The following B4GALNT4 variants were observed in gnomAD, a reference collection of about 807,000 sequenced individuals.
B4GALNT4 encodes the protein beta-1,4-N-acetyl-galactosaminyltransferase 4.
In B4GALNT4, 77 loss-of-function variants were observed where a neutral mutation model predicts 110.0. That is an observed-to-expected ratio of 0.70 (90% confidence interval 0.58 to 0.85). The LOEUF is 0.85. Among genes scored for constraint, B4GALNT4 ranks in the 40% least tolerant of loss-of-function variants. The pLI, the probability that B4GALNT4 is intolerant of heterozygous loss-of-function variation, is 0.00. For missense variants in B4GALNT4, 1,575 were observed against 1,506.0 expected, an observed-to-expected ratio of 1.05 and a Z score of -0.76; for synonymous variants, 785 against 655.5, an observed-to-expected ratio of 1.20 and a Z score of -3.02.
In B4GALNT4 at chr11:376,581, G is replaced by T. The variant is rs1270768112; in HGVS notation, c.1458G>T (p.Gly486=). The T allele has an allele frequency of 2.2e-6, 3 of 1,354,388 alleles. No individual in the cohort carries two copies. Among genetic ancestry groups the T allele is most frequent in the Non-Finnish European group, 1.9e-6 (2 of 1,062,002 alleles). The allele number at this position is 1,354,388 out of a possible 1,614,324, so 83.9% of individuals were successfully genotyped here. A position where few individuals can be genotyped will look rare whatever the true frequency, so the allele number is the denominator to read the frequency against. Residue 486 remains glycine, a synonymous_variant, in exon 14 of 20, where the codon GGG becomes GGT. Transcript: ENST00000329962. ...PPTPPRPRDG[G]TPRHSRALSW... ...CCCCTCCCCGCCCCCGGGACGGGGGGACCCCCAGGCACTCCCGGGCCCTGA... is the reference window on the plus strand; with the variant it reads ...CCCCTCCCCGCCCCCGGGACGGGGGTACCCCCAGGCACTCCCGGGCCCTGA...
chr11:381,174 G>A, intron 19 of B4GALNT4: 1 of 981,748 alleles, frequency 1.0e-6, no homozygotes, highest in Non-Finnish European at 1.2e-6. Context: ...GGACATCCCT[G>A]AACCAGCTCT....
At chr11:372,580 T>A (rs1846635917) in intron 2 of B4GALNT4, 82 bp from the exon 3 acceptor site, 1 of 1,188,096 alleles carries the variant, frequency 8.4e-7, no homozygotes, top group Non-Finnish European at 1.2e-6. Context: ...TTGGAAGGGG[T>A]CTTTGTGAAG....
At chr11:371,689 C>T (rs925339994) in intron 1 of B4GALNT4, among the ~76,000 whole-genome samples, 2 of 152,214 alleles carry the variant, frequency 1.3e-5, no homozygotes, top group African/African-American at 2.4e-5. Flanking sequence ...GGGAGGCAGA[C>T]GTGGAACACT....
chr11:380,318 C>T lies in B4GALNT4; in HGVS notation c.2742C>T (p.Cys914=), dbSNP rs1329747435. Residue 914 remains cysteine, a synonymous_variant, in exon 18 of 20, where the codon TGC becomes TGT. Transcript: ENST00000329962. ...ACGCCAGCAGCATCGTGTTCCTCTGCGACCTGCACATCCACTTCCCACCCA... is the reference window on the plus strand; with the variant it reads ...ACGCCAGCAGCATCGTGTTCCTCTGTGACCTGCACATCCACTTCCCACCCA... ...VEDASSIVFL[C]DLHIHFPPNI... The T allele has an allele frequency of 3.1e-6, 5 of 1,613,272 alleles. No homozygotes were observed. Among genetic ancestry groups the T allele is most frequent in the Admixed American group, 1.7e-5 (1 of 60,002 alleles).
chr11:381,165 G>A (rs1686355897), intron 19 of B4GALNT4: 1 of 983,868 alleles, frequency 1.0e-6, no homozygotes. Context: ...CAAGGTCAGG[G>A]ACATCCCTGA....
chr11:378,172 A>G (rs1846799578), intron 14 of B4GALNT4, among the ~76,000 whole-genome samples: 1 of 152,054 alleles, frequency 6.6e-6, no homozygotes, highest in Non-Finnish European at 1.5e-5. Context: ...GCAGGGGCAG[A>G]GGATGGAGGC....
At chr11:380,614 A>T in intron 18 of B4GALNT4, 169 bp downstream of exon 18, 1 of 1,271,316 alleles carries the variant, frequency 7.9e-7, no homozygotes, top group Non-Finnish European at 1.1e-6. Context: ...ACCCAGGGCC[A>T]TGCCAGGGGC....
intron 18 of B4GALNT4, 49 bp from the exon 19 acceptor site, chr11:380,776 C>T (rs766533879): frequency 1.2e-5 from 20 of 1,613,026 alleles, no homozygotes; most frequent in Admixed American, 5.0e-5. Flanking sequence ...CCGGGGGGAC[C>T]TTGCAGGACC....
At position 379,936 on chromosome 11, in the gene B4GALNT4, C is replaced by T; in HGVS notation, c.2559C>T (p.Asp853=). 6.2e-7 allele frequency: 1 copy of T among 1,611,738 alleles called. No homozygotes were observed. The highest frequency in any genetic ancestry group is 8.5e-7 in the Non-Finnish European group (1 of 1,179,804). ...CTGCGCTGCACGCGCGCACCGGGGA[C>T]TCGCGTTTCAGCGTCGTCCTGGTGG... ...DMAALHARTG[D]SRFSVVLVDF... Residue 853 remains aspartate, a synonymous_variant, in exon 16 of 20, where the codon GAC becomes GAT. Transcript: ENST00000329962.
chr11:380,216 A>G lies in B4GALNT4; in HGVS notation c.2715+14A>G, dbSNP rs745852263. On this transcript the variant is annotated intron_variant, in intron 17 of 19. Coordinates refer to ENST00000329962, the MANE Select transcript of B4GALNT4 (RefSeq NM_178537.5). ...GACGCGGTAGAGGTCCGAGGGCCCC[A>G]TGGGGGTCGGGGAGCAAAACGGGGC... 1.2e-6 allele frequency: 2 copies of G among 1,604,652 alleles called. No homozygotes were observed. The highest frequency in any genetic ancestry group is 1.3e-5 in the African/African-American group (1 of 74,730).
At position 370,691 on chromosome 11, in the gene B4GALNT4, AG is replaced by A. The variant is rs148427165; in HGVS notation, c.151+739del. On this transcript the variant is annotated intron_variant, in intron 1 of 19. Transcript: ENST00000329962. Reference sequence around the variant, plus strand: ...AGCCTGGCGGTGGGGTTGGGGGAGAAGGTGGGGCAGAATGCCCCCTCTGGAG... The same window carrying A: ...AGCCTGGCGGTGGGGTTGGGGGAGAAGTGGGGCAGAATGCCCCCTCTGGAG... 2.1e-3 allele frequency among the ~76,000 whole-genome samples: 325 copies of A among 152,254 alleles called. 1 individual carries two copies. Among genetic ancestry groups the A allele is most frequent in the African/African-American group, 7.6e-3 (314 of 41,540 alleles).
chr11:370,133 G>A (rs1590332574), intron 1 of B4GALNT4, among the ~76,000 whole-genome samples, 179 bp downstream of exon 1: 1 of 150,532 alleles, frequency 6.6e-6, no homozygotes. Context: ...CCCGCCCGCT[G>A]TTCTCCGCTC....
Position 376,621 on chromosome 11 carries a change from G to A in B4GALNT4, c.1498G>A (p.Ala500Thr). Residue 500 changes from alanine (A) to threonine (T), a missense_variant, in exon 14 of 20, where the codon GCC becomes ACC. Ala to Thr is a moderately conservative substitution (Grantham distance 58). Transcript: ENST00000329962. Reference protein sequence around the residue: ...HSRALSWAARAARPLPLFLGR... With the variant: ...HSRALSWAARTARPLPLFLGR... Reference sequence around the variant, plus strand: ...CCGGGCCCTGAGCTGGGCCGCCAGGGCCGCCCGCCCTTTGCCGCTCTTCTT... The same window carrying A: ...CCGGGCCCTGAGCTGGGCCGCCAGGACCGCCCGCCCTTTGCCGCTCTTCTT... 7.1e-7 allele frequency: 1 copy of A among 1,402,534 alleles called. No homozygotes were observed. Among genetic ancestry groups the A allele is most frequent in the Non-Finnish European group, 9.3e-7 (1 of 1,079,944 alleles). The allele number at this position is 1,402,534 out of a possible 1,614,324, so 86.9% of individuals were successfully genotyped here.
At position 380,748 on chromosome 11, in the gene B4GALNT4, TCTC is replaced by T. The variant is rs1671396957; in HGVS notation, c.2870-74_2870-72del. The T allele has an allele frequency of 5.7e-5, 92 of 1,604,788 alleles. 1 individual carries two copies. The South Asian group carries it at 9.2e-4, about 16-fold the overall frequency. Reference sequence around the variant, plus strand: ...ACCCGGCACCTGACCCCTCCCGAGGTCTCCTAGCGGCGCTTTGCCGGGGGGACC... The same window carrying T: ...ACCCGGCACCTGACCCCTCCCGAGGTCTAGCGGCGCTTTGCCGGGGGGACC... On this transcript the variant is annotated intron_variant, in intron 18 of 19. Coordinates refer to ENST00000329962, the MANE Select transcript of B4GALNT4 (RefSeq NM_178537.5).
At position 379,654 on chromosome 11, in the gene B4GALNT4, TGCGCCTG is replaced by T; in HGVS notation, c.2444_2450del (p.Arg815ProfsTer6). 1 of 1,505,836 alleles carries T rather than the reference TGCGCCTG, an allele frequency of 6.6e-7. No individual in the cohort carries two copies. The allele number at this position is 1,505,836 out of a possible 1,614,324, so 93.3% of individuals were successfully genotyped here. A position where few individuals can be genotyped will look rare whatever the true frequency, so the allele number is the denominator to read the frequency against. ...GGCCGCCCCGAGCTCTGCCGGCCACTGCGCCTGGCCTGGCGCCAGGACGTGATGGTTC... is the reference window on the plus strand; with the variant it reads ...GGCCGCCCCGAGCTCTGCCGGCCACTGCCTGGCGCCAGGACGTGATGGTTC... On this transcript the variant is annotated frameshift_variant, in exon 15 of 20. Transcript: ENST00000329962. LOFTEE classifies it high-confidence loss of function.
Position 372,707 on chromosome 11 carries a change from A to G in B4GALNT4, c.301A>G (p.Arg101Gly), listed in dbSNP as rs758864066. ...LDMLFPGGAGRLPLNFTHQTP... is the reference protein window; with the variant it reads ...LDMLFPGGAGGLPLNFTHQTP... The stretch of plus-strand genomic sequence containing the variant: ...CATGCTGTTTCCTGGGGGGGCTGGG[A>G]GGCTGCCACTGAACTTCACCCATCA... Residue 101 changes from arginine (R) to glycine (G), a missense_variant, in exon 3 of 20, where the codon AGG becomes GGG. By Grantham distance (125) the Arg-to-Gly change is moderately radical. Coordinates refer to ENST00000329962, the MANE Select transcript of B4GALNT4 (RefSeq NM_178537.5). 6 of 1,608,822 alleles carry G rather than the reference A, an allele frequency of 3.7e-6. No homozygotes were observed. The African/African-American group carries it at 8.1e-5, about 22-fold the overall frequency.
Position 376,570 on chromosome 11 carries a change from C to T in B4GALNT4, c.1447C>T (p.Arg483Trp), listed in dbSNP as rs902597528. ...CGCCCCGCCGACCCCTCCCCGCCCC[C>T]GGGACGGGGGGACCCCCAGGCACTC... ...TLAPPTPPRP[R>W]DGGTPRHSRA... Residue 483 changes from arginine to tryptophan, a missense_variant, in exon 14 of 20, where the codon CGG becomes TGG. Transcript: ENST00000329962. The T allele has an allele frequency of 2.2e-6, 3 of 1,354,326 alleles. No individual in the cohort carries two copies. Among genetic ancestry groups the T allele is most frequent in the Admixed American group, 4.0e-5 (1 of 24,846 alleles). The allele number at this position is 1,354,326 out of a possible 1,614,324, so 83.9% of individuals were successfully genotyped here. A position where few individuals can be genotyped will look rare whatever the true frequency, so the allele number is the denominator to read the frequency against.
Position 373,419 on chromosome 11 carries a change from C to CCTGCCA in B4GALNT4, c.637-30_637-29insCTGCCA, listed in dbSNP as rs10624593. ...CAGGGAGAGAGTGAACCCCCCCCCCCACCACCACCCCTGCTCTATCACCCC... is the reference window on the plus strand; with the variant it reads ...CAGGGAGAGAGTGAACCCCCCCCCCCCTGCCAACCACCACCCCTGCTCTATCACCCC... On this transcript the variant is annotated intron_variant, in intron 6 of 19. Transcript: ENST00000329962. The CCTGCCA allele has an allele frequency of 3.6e-5, 39 of 1,084,262 alleles. 1 individual carries two copies. The highest frequency in any genetic ancestry group is 2.5e-4 in the Middle Eastern group (1 of 3,972). The allele number at this position is 1,084,262 out of a possible 1,614,324, so 67.2% of individuals were successfully genotyped here.
Position 376,123 on chromosome 11 carries a change from T to C in B4GALNT4, c.1145T>C (p.Met382Thr). 1 of 1,428,866 alleles carries C rather than the reference T, an allele frequency of 7.0e-7. No individual in the cohort carries two copies. Among genetic ancestry groups the C allele is most frequent in the Non-Finnish European group, 9.4e-7 (1 of 1,068,234 alleles). 88.5% of individuals were successfully genotyped at this position (1,428,866 alleles called of 1,614,324 possible). A position where few individuals can be genotyped will look rare whatever the true frequency, so the allele number is the denominator to read the frequency against. The change falls in exon 12 of 20, where the codon ATG becomes ACG. Residue 382 changes from methionine (M) to threonine (T), a missense_variant. Coordinates refer to ENST00000329962, the MANE Select transcript of B4GALNT4 (RefSeq NM_178537.5). ...YPNDYTRLTH[M>T]ETDNKCFYRE... is the part of the protein sequence containing the mutation. ...AACGACTACACTCGCCTCACCCACA[T>C]GGAGACGGACAACAAGTGCTTCTAC... is the stretch of plus-strand genomic sequence containing the variant.
Sources: allele counts gnomAD v4.1 joint callset (sites outside exome capture counted in the v4.1 genomes callset), GRCh38; gene constraint gnomAD v4.1.1; transcripts MANE v1.5; gene names NCBI Gene and HGNC (gene_info 2026-07-23, HGNC 2026-07-21).